The following CKAP2L variants were observed in gnomAD, a reference collection of about 807,000 sequenced individuals.
The protein encoded by CKAP2L is cytoskeleton-associated protein 2-like.
A neutral mutation model predicts 65.7 loss-of-function variants in CKAP2L; 42 were observed. The ratio of observed to expected loss-of-function variants is 0.64; its 90% confidence interval spans 0.50 to 0.83. CKAP2L has a LOEUF of 0.83. CKAP2L is among the 40% of genes least tolerant of loss of function. The pLI is 0.00. For synonymous variants in CKAP2L, 325 were observed against 313.5 expected, an observed-to-expected ratio of 1.04 and a Z score of -0.39; for missense variants, 908 against 871.0, an observed-to-expected ratio of 1.04 and a Z score of -0.53.
chr2:112,757,045 G>C lies in CKAP2L; in HGVS notation c.326C>G (p.Ser109Cys). 1 of 1,614,196 alleles carries C rather than the reference G, an allele frequency of 6.2e-7. No individual in the cohort carries two copies. The highest frequency in any genetic ancestry group is 8.5e-7 in the Non-Finnish European group (1 of 1,180,024). Reference sequence around the variant, plus strand: ...AGAAGGCTTAGAGTATGGGTTAGAAGAAACACATTCTGAAGTCAGCCTTTT... The same window carrying C: ...AGAAGGCTTAGAGTATGGGTTAGAACAAACACATTCTGAAGTCAGCCTTTT... Reference protein sequence around the residue: ...LGKRLTSECVSSNPYSKPSSK... With the variant: ...LGKRLTSECVCSNPYSKPSSK... Residue 109 changes from serine to cysteine, a missense_variant, in exon 4 of 9, where the codon TCT (serine) becomes TGT (cysteine). Physicochemically the swap from Ser to Cys is moderately radical, Grantham distance 112. Coordinates refer to ENST00000302450, the MANE Select transcript of CKAP2L (RefSeq NM_152515.5).
chr2:112,761,539 A>T (rs556470317), intron 2 of CKAP2L, among the ~76,000 whole-genome samples: 1 of 151,988 alleles, frequency 6.6e-6, no homozygotes, highest in Non-Finnish European at 1.5e-5. Flanking sequence ...TTAAGGGGGT[A>T]AAGAAATATT....
chr2:112,758,639 T>C (rs998700986), intron 3 of CKAP2L, among the ~76,000 whole-genome samples: 2 of 152,228 alleles, frequency 1.3e-5, no homozygotes, highest in African/African-American at 4.8e-5. Context: ...ACCTCGGATC[T>C]CTCCATCATT....
chr2:112,764,524 C>T, intron 1 of CKAP2L, 38 bp downstream of exon 1: 2 of 1,612,944 alleles, frequency 1.2e-6, no homozygotes, highest in Non-Finnish European at 1.7e-6. Flanking sequence ...GGCCGTGTTC[C>T]AACGCCTGAG....
intron 3 of CKAP2L, among the ~76,000 whole-genome samples, chr2:112,759,032 T>C (rs919663063): frequency 6.6e-6 from 1 of 152,250 alleles, no homozygotes; most frequent in Non-Finnish European, 1.5e-5. Context: ...CTTCTTTCAC[T>C]TAGCATAACG....
chr2:112,747,051 C>T lies in CKAP2L; in HGVS notation c.1603-476G>A, dbSNP rs967981140. On this transcript the variant is annotated intron_variant, in intron 5 of 8. Transcript: ENST00000302450. ...TGATCCGCCCACCTCAGCCTCTTAA[C>T]GTGCTGGGATTACAGGCATGAGCCA... is the stretch of plus-strand genomic sequence containing the variant. Among the ~76,000 whole-genome samples, 13 of 151,270 alleles carry T rather than the reference C, an allele frequency of 8.6e-5. No individual in the cohort carries two copies. The East Asian group carries it at 9.7e-4, about 11-fold the overall frequency.
At chr2:112,750,792 A>T (rs185830197) in intron 5 of CKAP2L, among the ~76,000 whole-genome samples, 3 of 136,388 alleles carry the variant, frequency 2.2e-5, no homozygotes, top group African/African-American at 6.1e-5. Flanking sequence ...ACATATTTAT[A>T]AAAAAAAAAA....
At position 112,756,015 on chromosome 2, in the gene CKAP2L, G is replaced by A; in HGVS notation, c.1356C>T (p.Asn452=). The change falls in exon 4 of 9, where the codon AAC becomes AAT. Residue 452 remains asparagine, a synonymous_variant. Coordinates refer to ENST00000302450, the MANE Select transcript of CKAP2L (RefSeq NM_152515.5). The stretch of plus-strand genomic sequence containing the variant: ...CTGTTGCCTTCTTTTTAATATTTGG[G>A]TTTGTTTGGGTCCCATTTACGGTTG... ...DVTTVNGTQT[N]PNIKKKATAE... is the part of the protein sequence containing the mutation. The A allele has an allele frequency of 6.3e-7, 1 of 1,599,200 alleles. No individual in the cohort carries two copies. Among genetic ancestry groups the A allele is most frequent in the African/African-American group, 1.4e-5 (1 of 73,806 alleles).
In CKAP2L at chr2:112,756,646, T is replaced by A. The variant is rs1680549822; in HGVS notation, c.725A>T (p.Asn242Ile). 6.2e-7 allele frequency: 1 copy of A among 1,608,756 alleles called. No homozygotes were observed. The highest frequency in any genetic ancestry group is 1.3e-5 in the African/African-American group (1 of 74,622). The change falls in exon 4 of 9, where the codon AAT (asparagine) becomes ATT (isoleucine). Residue 242 changes from asparagine to isoleucine, a missense_variant. Physicochemically the swap from Asn to Ile is moderately radical, Grantham distance 149. Coordinates refer to ENST00000302450, the MANE Select transcript of CKAP2L (RefSeq NM_152515.5). The part of the protein sequence containing the change: ...VNSAVLKDRV[N>I]KQFVGETQSR... ...TTGTGTTTCTCCAACAAATTGTTTA[T>A]TAACCCTATCTTTCAGAACAGCACT...
At chr2:112,755,842 C>T in intron 4 of CKAP2L, 135 bp downstream of exon 4, 1 of 815,024 alleles carries the variant, frequency 1.2e-6, no homozygotes, top group Non-Finnish European at 1.9e-6. Flanking sequence ...ATATTTGCTT[C>T]AAATCTTTTT....
At chr2:112,750,791 T>TAA (rs79847825) in intron 5 of CKAP2L, among the ~76,000 whole-genome samples, 4 of 116,500 alleles carry the variant, frequency 3.4e-5, no homozygotes, top group East Asian at 2.4e-4. Flanking sequence ...AACATATTTA[T>TAA]AAAAAAAAAA....
rs371196442 is a variant in CKAP2L at position 112,756,550 on chromosome 2, G to C, written c.821C>G (p.Pro274Arg). 64 of 1,611,086 alleles carry C rather than the reference G, an allele frequency of 4.0e-5. No individual in the cohort carries two copies. Among genetic ancestry groups the C allele is most frequent in the Non-Finnish European group, 5.3e-5 (63 of 1,179,070 alleles). Residue 274 changes from proline (P) to arginine (R), a missense_variant, in exon 4 of 9, where the codon CCC becomes CGC. Pro to Arg is a moderately radical substitution (Grantham distance 103). Transcript: ENST00000302450. ...AAAGTGAGAGGGAACCGTCCTTGAG[G>C]GTTTTACTCCTGGTCTTGCAAGATC... ...GADLARPGVK[P>R]SRTVPSHFIR...
chr2:112,755,058 G>A (rs532824631), intron 4 of CKAP2L, among the ~76,000 whole-genome samples: 26 of 152,292 alleles, frequency 1.7e-4, no homozygotes, highest in Admixed American at 6.5e-4. Flanking sequence ...GCTGTACCAA[G>A]CTGTACCTTG....
At chr2:112,753,744 T>C (rs1467033915) in intron 4 of CKAP2L, among the ~76,000 whole-genome samples, 3 of 151,952 alleles carry the variant, frequency 2.0e-5, no homozygotes, top group African/African-American at 4.8e-5. Context: ...GCTAAACCGG[T>C]CTCAAACTCC....
Position 112,756,704 on chromosome 2 carries a change from G to A in CKAP2L, c.667C>T (p.Pro223Ser), listed in dbSNP as rs773216009. 6.3e-7 allele frequency: 1 copy of A among 1,593,264 alleles called. No individual in the cohort carries two copies. The highest frequency in any genetic ancestry group is 8.5e-7 in the Non-Finnish European group (1 of 1,172,596). Residue 223 changes from proline to serine, a missense_variant, in exon 4 of 9, where the codon CCT becomes TCT. By Grantham distance (74) the Pro-to-Ser change is moderately conservative. Transcript: ENST00000302450. ...GAACTTTTGCCCAAGGCTTGTTTAG[G>A]AACTAAACTGTTCTTGGTTTGATTA... ...SYNQTKNSLVPKQALGKSSVN... is the reference protein window; with the variant it reads ...SYNQTKNSLVSKQALGKSSVN...
chr2:112,746,312 T>A, intron 6 of CKAP2L, 108 bp downstream of exon 6: 1 of 810,112 alleles, frequency 1.2e-6, no homozygotes, highest in Non-Finnish European at 1.9e-6. Context: ...ACTTTATAAG[T>A]GTTGGATATT....
Position 112,738,938 on chromosome 2 carries a change from T to C in CKAP2L, c.2123A>G (p.Asp708Gly), listed in dbSNP as rs1679619089. ...TTCATCAAGAGAAGCCACTACTAAA[T>C]CGTGTTCCTGCAGCATTTCTGGGTA... ...SRYPEMLQEHDLVVASLDELL... is the reference protein window; with the variant it reads ...SRYPEMLQEHGLVVASLDELL... Residue 708 changes from aspartate to glycine, a missense_variant, in exon 9 of 9, where the codon GAT becomes GGT. Physicochemically the swap from Asp to Gly is moderately conservative, Grantham distance 94. Transcript: ENST00000302450. The C allele has an allele frequency of 1.2e-6, 2 of 1,614,086 alleles. No homozygotes were observed. Among genetic ancestry groups the C allele is most frequent in the South Asian group, 2.2e-5 (2 of 91,086 alleles).
chr2:112,746,208 A>G (rs1173933656), intron 6 of CKAP2L, among the ~76,000 whole-genome samples: 3 of 152,190 alleles, frequency 2.0e-5, no homozygotes, highest in African/African-American at 7.2e-5. Flanking sequence ...TTTTAGAATT[A>G]AAAGTTATTT....
chr2:112,747,938 A>T (rs961630351), intron 5 of CKAP2L, among the ~76,000 whole-genome samples: 13 of 152,264 alleles, frequency 8.5e-5, no homozygotes, highest in African/African-American at 2.7e-4. Flanking sequence ...AGGCAGAACA[A>T]CTGCATGGAC....
chr2:112,761,711 GT>G (rs1490406981), intron 2 of CKAP2L, among the ~76,000 whole-genome samples: 1 of 152,158 alleles, frequency 6.6e-6, no homozygotes, highest in East Asian at 1.9e-4. Flanking sequence ...TTTGATGTTT[GT>G]CTCTCCCATC....
Sources: allele counts gnomAD v4.1 joint callset (sites outside exome capture counted in the v4.1 genomes callset), GRCh38; gene constraint gnomAD v4.1.1; transcripts MANE v1.5; gene names NCBI Gene and HGNC (gene_info 2026-07-23, HGNC 2026-07-21).